Variants in GCNT1 observed in about 807,000 individuals in gnomAD.
The protein encoded by GCNT1 is glucosaminyl (N-acetyl) transferase 1, also known as beta-1,3-galactosyl-O-glycosyl-glycoprotein beta-1,6-N-acetylglucosaminyltransferase.
Under a neutral mutation model 26.2 loss-of-function variants are expected in GCNT1, and 16 were observed. The observed-to-expected ratio is 0.61, with a 90% CI of 0.41 to 0.93. GCNT1 has a LOEUF of 0.93. GCNT1 is among the 40% of genes least tolerant of loss of function. GCNT1 has a pLI of 0.00. For missense variants in GCNT1, 477 were observed against 526.7 expected (o/e 0.91, Z 0.92); for synonymous variants, 183 against 190.8 (o/e 0.96, Z 0.34).
intron 1 of GCNT1, among the ~76,000 whole-genome samples, chr9:76,429,626 A>G (rs1823307223): frequency 6.6e-6 from 1 of 152,074 alleles, no homozygotes; most frequent in Non-Finnish European, 1.5e-5. Context: ...GGCTAGGTCC[A>G]GCTTGCTCAC....
chr9:76,478,253 C>G (rs1339477993), intron 2 of GCNT1, among the ~76,000 whole-genome samples: 1 of 152,202 alleles, frequency 6.6e-6, no homozygotes, highest in Non-Finnish European at 1.5e-5. Context: ...TTTGCGTCCG[C>G]ACTACCTTTA....
At chr9:76,414,994 A>C (rs1823120360), upstream of GCNT1, among the ~76,000 whole-genome samples, 1 of 152,170 alleles carries the variant, frequency 6.6e-6, no homozygotes, top group South Asian at 2.1e-4. Context: ...GCTCTCCTTT[A>C]AATGCCTCTG....
At chr9:76,482,300 A>G (rs1401451441) in intron 2 of GCNT1, among the ~76,000 whole-genome samples, 3 of 152,008 alleles carry the variant, frequency 2.0e-5, no homozygotes, top group Non-Finnish European at 2.9e-5. Flanking sequence ...TGTGAGAAAT[A>G]AAATTTTCTA....
At chr9:76,425,163 C>T (rs1307440067) in intron 1 of GCNT1, among the ~76,000 whole-genome samples, 2 of 136,306 alleles carry the variant, frequency 1.5e-5, no homozygotes, top group Non-Finnish European at 3.1e-5. Flanking sequence ...AAAAAAAAGA[C>T]ATTGAACCAT....
chr9:76,413,648 G>GTTTTTTTTTTTTT, the GCNT1 span, among the ~76,000 whole-genome samples: 3 of 28,110 alleles, frequency 1.1e-4, no homozygotes, highest in East Asian at 6.4e-4. Flanking sequence ...TTTTTGTTTT[G>GTTTTTTTTTTTTT]TTTTGTTTTT....
At chr9:76,459,932 A>G (rs891583373) in intron 1 of GCNT1, 128 bp from the exon 2 acceptor site, 2 of 152,054 alleles carry the variant, frequency 1.3e-5, no homozygotes, top group African/African-American at 4.8e-5. Flanking sequence ...TCTTAAAAGC[A>G]TTTTACCCCC....
chr9:76,480,987 C>T (rs1162691059), intron 2 of GCNT1, among the ~76,000 whole-genome samples: 1 of 151,774 alleles, frequency 6.6e-6, no homozygotes, highest in Non-Finnish European at 1.5e-5. Context: ...GCCTGTAATC[C>T]CAGCACTTTG....
intron 1 of GCNT1, among the ~76,000 whole-genome samples, chr9:76,428,545 T>A (rs1328264043): frequency 3.3e-5 from 5 of 151,998 alleles, no homozygotes; most frequent in Admixed American, 3.3e-4. Flanking sequence ...ACATTATAGA[T>A]CCAGTTAAAT....
chr9:76,472,101 C>G (rs1333362868), intron 2 of GCNT1, among the ~76,000 whole-genome samples: 2 of 152,020 alleles, frequency 1.3e-5, no homozygotes, highest in African/African-American at 4.8e-5. Flanking sequence ...CATGATGAAA[C>G]CTCGTCCCTG....
the GCNT1 span, among the ~76,000 whole-genome samples, chr9:76,413,252 T>C: frequency 6.6e-6 from 1 of 152,240 alleles, no homozygotes; most frequent in African/African-American, 2.4e-5. Context: ...TGGACACAGG[T>C]CAGACAAGAG....
At chr9:76,487,558 C>A (rs1408132413) in intron 2 of GCNT1, among the ~76,000 whole-genome samples, 1 of 152,116 alleles carries the variant, frequency 6.6e-6, no homozygotes, top group African/African-American at 2.4e-5. Flanking sequence ...CGCGCCCAGC[C>A]AGTTTTGTCT....
At chr9:76,439,491 C>T (rs1823453443), upstream of GCNT1, among the ~76,000 whole-genome samples, 1 of 151,866 alleles carries the variant, frequency 6.6e-6, no homozygotes, top group Admixed American at 6.6e-5. Context: ...TCCCAAAGTG[C>T]TAGGATTACA....
chr9:76,455,136 G>A (rs896793875), upstream of GCNT1, among the ~76,000 whole-genome samples: 7 of 152,060 alleles, frequency 4.6e-5, no homozygotes, highest in South Asian at 2.1e-4. Context: ...GTGAGCCACC[G>A]CACCCAGCCT....
chr9:76,410,558 C>G, the GCNT1 span, among the ~76,000 whole-genome samples: 46 of 152,128 alleles, frequency 3.0e-4, no homozygotes, highest in African/African-American at 1.0e-3. Flanking sequence ...TCAAGACTAG[C>G]CTGGGCAACA....
the GCNT1 span, chr9:76,393,923 C>A: frequency 1.5e-6 from 1 of 650,232 alleles, no homozygotes; most frequent in African/African-American, 1.9e-5. Flanking sequence ...GCTCCCTCAA[C>A]CGAGCCAACG....
the GCNT1 span, among the ~76,000 whole-genome samples, chr9:76,410,277 C>T: frequency 2.8e-3 from 424 of 152,152 alleles, 3 homozygotes; most frequent in Non-Finnish European, 4.9e-3. Flanking sequence ...ACTAAAAATA[C>T]TAAAATTAGC....
At chr9:76,427,032 G>A (rs1038483873) in intron 1 of GCNT1, among the ~76,000 whole-genome samples, 2 of 152,136 alleles carry the variant, frequency 1.3e-5, no homozygotes, top group Non-Finnish European at 2.9e-5. Flanking sequence ...TAGTTAAAAT[G>A]AGATCATTAG....
chr9:76,421,371 G>C (rs747277249), intron 1 of GCNT1, among the ~76,000 whole-genome samples: 52 of 151,772 alleles, frequency 3.4e-4, no homozygotes, highest in Non-Finnish European at 1.5e-4. Context: ...AGGCCAAGTC[G>C]GGCAGATCAC....
At chr9:76,424,803 C>G (rs1156406272) in intron 1 of GCNT1, among the ~76,000 whole-genome samples, 1 of 152,104 alleles carries the variant, frequency 6.6e-6, no homozygotes, top group Non-Finnish European at 1.5e-5. Flanking sequence ...CATCTTGTAA[C>G]TAAAATCAAC....
Sources: gnomAD v4.1 joint callset for allele counts (sites outside exome capture counted in the v4.1 genomes callset) on GRCh38, gnomAD v4.1.1 for gene constraint, MANE v1.5 for transcripts, NCBI Gene and HGNC (gene_info 2026-07-23, HGNC 2026-07-21) for gene names.